GTF3C2: variants seen among roughly 807,000 people sequenced by gnomAD.
The protein encoded by GTF3C2 is general transcription factor IIIC subunit 2, also known as general transcription factor 3C polypeptide 2.
In GTF3C2, 17 loss-of-function variants were observed where a neutral mutation model predicts 117.4. The ratio of observed to expected loss-of-function variants is 0.14; its 90% CI spans 0.10 to 0.22. The LOEUF is 0.22. Ranked by LOEUF, GTF3C2 falls within the 10% of genes least tolerant of loss-of-function variation. The pLI is 1.00. For synonymous variants in GTF3C2, 437 were observed against 427.0 expected, an observed-to-expected ratio of 1.02 and a Z score of -0.29; for missense variants, 888 against 1,143.6, an observed-to-expected ratio of 0.78 and a Z score of 3.22.
intron 1 of GTF3C2, among the ~76,000 whole-genome samples, chr2:27,355,224 G>C (rs1681290337): frequency 6.6e-6 from 1 of 152,210 alleles, no homozygotes; most frequent in South Asian, 2.1e-4. Flanking sequence ...TGAATTGCCT[G>C]TACATATAAT....
intron 5 of GTF3C2, 43 bp from the exon 6 acceptor site, chr2:27,337,601 C>T: frequency 3.1e-6 from 4 of 1,271,868 alleles, no homozygotes; most frequent in Non-Finnish European, 4.6e-6. Flanking sequence ...AGGGATTCTA[C>T]AGCCGCACAG....
chr2:27,335,695 C>A (rs140616647), exon 10 of GTF3C2: 67 of 1,558,852 alleles, frequency 4.3e-5, no homozygotes, highest in Non-Finnish European at 5.5e-5. Context: ...CCAACCGGGG[C>A]AGGAGAGGAG....
exon 2 of GTF3C2, chr2:27,343,321 T>C: frequency 6.2e-7 from 1 of 1,614,090 alleles, no homozygotes; most frequent in Non-Finnish European, 8.5e-7. Flanking sequence ...GCTGTTCCAG[T>C]CTGGAGAGGC....
At chr2:27,355,516 G>A (rs1321694137) in intron 1 of GTF3C2, among the ~76,000 whole-genome samples, 1 of 145,366 alleles carries the variant, frequency 6.9e-6, no homozygotes, top group Non-Finnish European at 1.5e-5. Context: ...ACAAAACTCC[G>A]TATCAAAAAA....
At chr2:27,342,435 A>G (rs886459637) in intron 3 of GTF3C2, 2 of 579,366 alleles carry the variant, frequency 3.5e-6, no homozygotes, top group Non-Finnish European at 6.1e-6. Flanking sequence ...CTGAGATAAC[A>G]AATGTGGAAT....
At position 27,328,834 on chromosome 2, in the gene GTF3C2, G is replaced by A. The variant is rs1198106967; in HGVS notation, c.2127+10C>T. On this transcript the variant is annotated intron_variant, in intron 15 of 18. Coordinates refer to ENST00000264720, the Ensembl canonical transcript of GTF3C2. ...TTGTAATGAAGACTGCAAAAGAAAG[G>A]GGGGCTCACCCAAACGGTGCCTTTT... 6.3e-7 allele frequency: 1 copy of A among 1,599,250 alleles called. No individual in the cohort carries two copies.
intron 4 of GTF3C2, 111 bp downstream of exon 4, chr2:27,341,837 G>T: frequency 6.5e-6 from 6 of 921,738 alleles, no homozygotes; most frequent in African/African-American, 3.3e-5. Context: ...TCTTTAACCT[G>T]TTTTGTCTAT....
intron 12 of GTF3C2, among the ~76,000 whole-genome samples, chr2:27,330,587 T>C (rs1265670876): frequency 1.3e-5 from 2 of 152,120 alleles, no homozygotes; most frequent in Non-Finnish European, 2.9e-5. Flanking sequence ...CCTAGCACTT[T>C]GGGAGGTAAA....
intron 1 of GTF3C2, among the ~76,000 whole-genome samples, chr2:27,351,653 G>C (rs1165571435): frequency 6.6e-6 from 1 of 152,044 alleles, no homozygotes; most frequent in Non-Finnish European, 1.5e-5. Context: ...TCTAAAATCA[G>C]ATTCAAATTT....
chr2:27,351,443 A>T (rs544319597), intron 1 of GTF3C2, among the ~76,000 whole-genome samples: 1 of 152,028 alleles, frequency 6.6e-6, no homozygotes, highest in Non-Finnish European at 1.5e-5. Flanking sequence ...ATAACAAAAC[A>T]TATGCTATGA....
chr2:27,333,989 C>T lies in GTF3C2; in HGVS notation c.1587G>A (p.Lys529=), dbSNP rs1485441780. ...CCTCACTCACCTTATATATGGCAGG[C>T]TTCACTGCATCTGTGAGGAAAAAGA... Residue 529 remains lysine, a synonymous_variant, in exon 11 of 19, where the codon AAG becomes AAA. Transcript: ENST00000264720. 7 of 1,609,842 alleles carry T rather than the reference C, an allele frequency of 4.3e-6. No homozygotes were observed. In the South Asian group the frequency reaches 6.6e-5, roughly 15 times the overall value.
At position 27,336,362 on chromosome 2, in the gene GTF3C2, G is replaced by C. The variant is rs756075272; in HGVS notation, c.1191C>G (p.Leu397=). The C allele has an allele frequency of 1.1e-5, 18 of 1,613,252 alleles. No individual in the cohort carries two copies. In the South Asian group the frequency reaches 1.4e-4, roughly 13 times the overall value. ...GCACTGGGCACCAGTCCAGAGCCCAGAGCGGTCCCCCCGTGAAGAAGGACA... is the reference window on the plus strand; with the variant it reads ...GCACTGGGCACCAGTCCAGAGCCCACAGCGGTCCCCCCGTGAAGAAGGACA... The change falls in exon 8 of 19, where the codon CTC becomes CTG. Residue 397 remains leucine (L), a synonymous_variant. Coordinates refer to ENST00000264720, the Ensembl canonical transcript of GTF3C2.
exon 19 of GTF3C2, chr2:27,326,695 G>C: frequency 6.2e-7 from 1 of 1,613,722 alleles, no homozygotes; most frequent in African/African-American, 1.3e-5. Flanking sequence ...GGCAGAAGGC[G>C]ATGGCTGGTT....
intron 16 of GTF3C2, 43 bp from the exon 17 acceptor site, chr2:27,328,232 C>T: frequency 6.8e-7 from 1 of 1,472,614 alleles, no homozygotes; most frequent in East Asian, 2.3e-5. Flanking sequence ...ATACTCAAGA[C>T]AGAATAAAAG....
chr2:27,354,169 G>C (rs1473420404), intron 1 of GTF3C2, among the ~76,000 whole-genome samples: 1 of 151,926 alleles, frequency 6.6e-6, no homozygotes. Context: ...TGTAGCTCTA[G>C]CTATTCGAGA....
chr2:27,344,905 AG>A (rs1422108289), intron 1 of GTF3C2, among the ~76,000 whole-genome samples: 3 of 151,814 alleles, frequency 2.0e-5, no homozygotes, highest in Non-Finnish European at 4.4e-5. Context: ...GGATTGCTTG[AG>A]CCTAGGAGTT....
At position 27,343,525 on chromosome 2, in the gene GTF3C2, G is replaced by A. The variant is rs1396224549; in HGVS notation, c.30C>T (p.Ala10=). The A allele has an allele frequency of 3.7e-6, 6 of 1,613,738 alleles. No homozygotes were observed. In the African/African-American group the frequency reaches 8.0e-5, roughly 22 times the overall value. The change falls in exon 2 of 19, where the codon GCC becomes GCT. Residue 10 remains alanine, a synonymous_variant. Coordinates refer to ENST00000264720, the Ensembl canonical transcript of GTF3C2. ...TCCCCACGGGGCCGGCCTCCCCCAGGGCAACATAGCCGACCCCGCAGGTAT... is the reference window on the plus strand; with the variant it reads ...TCCCCACGGGGCCGGCCTCCCCCAGAGCAACATAGCCGACCCCGCAGGTAT...
chr2:27,336,075 C>A (rs1426492630), intron 8 of GTF3C2, 47 bp from the exon 9 acceptor site: 1 of 1,429,134 alleles, frequency 7.0e-7, no homozygotes, highest in Non-Finnish European at 9.9e-7. Flanking sequence ...AGAAGGGACG[C>A]AGGGCTGCCA....
intron 3 of GTF3C2, chr2:27,342,519 G>A (rs1421595733): frequency 1.3e-5 from 7 of 539,622 alleles, no homozygotes; most frequent in Non-Finnish European, 2.0e-5. Context: ...CAGAGGGCAA[G>A]AGAAAGAATG....
Sources: gnomAD v4.1 joint callset for allele counts (sites outside exome capture counted in the v4.1 genomes callset) on GRCh38, gnomAD v4.1.1 for gene constraint, MANE v1.5 for transcripts, NCBI Gene and HGNC (gene_info 2026-07-23, HGNC 2026-07-21) for gene names.